The following CDH12 variants were observed in gnomAD, a reference collection of about 807,000 sequenced individuals.
The protein encoded by CDH12 is cadherin-12.
A neutral mutation model predicts 74.1 loss-of-function variants in CDH12; 41 were observed. The observed-to-expected ratio is 0.55, with a 90% CI of 0.43 to 0.72. CDH12 has a LOEUF of 0.72. CDH12 is among the 30% of genes least tolerant of loss of function. The probability of loss-of-function intolerance (pLI) is 0.00; values close to 1 mark genes in which losing one functional copy is unlikely to be tolerated. For synonymous variants in CDH12, 399 were observed against 355.0 expected, an observed-to-expected ratio of 1.12 and a Z score of -1.39; for missense variants, 945 against 977.2, an observed-to-expected ratio of 0.97 and a Z score of 0.44.
intron 6 of CDH12, among the ~76,000 whole-genome samples, chr5:21,934,802 T>A (rs758286615): frequency 3.6e-4 from 54 of 152,110 alleles, no homozygotes; most frequent in Non-Finnish European, 2.5e-4. Context: ...CTCCTTTTTT[T>A]TTGACACGGA....
At chr5:22,737,555 T>C (rs1251362315) in intron 1 of CDH12, among the ~76,000 whole-genome samples, 1 of 151,832 alleles carries the variant, frequency 6.6e-6, no homozygotes, top group Non-Finnish European at 1.5e-5. Flanking sequence ...CTGAAAGAAA[T>C]AGAAATAGAA....
chr5:22,762,044 A>T (rs1485538919), intron 1 of CDH12, among the ~76,000 whole-genome samples: 1 of 152,094 alleles, frequency 6.6e-6, no homozygotes, highest in South Asian at 2.1e-4. Flanking sequence ...GAGAGAAAAA[A>T]ATTGTATATT....
intron 6 of CDH12, among the ~76,000 whole-genome samples, chr5:21,967,703 C>A (rs1210382490): frequency 6.6e-6 from 1 of 152,146 alleles, no homozygotes; most frequent in Admixed American, 6.6e-5. Context: ...CAAGGCTACA[C>A]AAAAAGTGTC....
At chr5:21,879,213 C>T (rs961772628) in intron 6 of CDH12, among the ~76,000 whole-genome samples, 7 of 151,396 alleles carry the variant, frequency 4.6e-5, no homozygotes, top group African/African-American at 1.7e-4. Flanking sequence ...AAAAGTTGGA[C>T]AGCAGTTTCA....
At chr5:22,725,091 T>C (rs1744093850) in intron 1 of CDH12, among the ~76,000 whole-genome samples, 1 of 151,832 alleles carries the variant, frequency 6.6e-6, no homozygotes, top group Non-Finnish European at 1.5e-5. Context: ...AACTGGAATA[T>C]AGTAAAACAT....
intron 1 of CDH12, among the ~76,000 whole-genome samples, chr5:22,604,427 T>C (rs1027843026): frequency 2.0e-5 from 3 of 152,168 alleles, no homozygotes; most frequent in Non-Finnish European, 4.4e-5. Flanking sequence ...ACAGAGAATC[T>C]TGACCTTTCA....
rs377103944 is a variant in CDH12 at position 22,693,540 on chromosome 5, T to C, written c.-523+159518A>G. On this transcript the variant is annotated intron_variant, in intron 1 of 14. Transcript: ENST00000382254. ...CCTTTTCTTTTAAAAATAACAATGA[T>C]TTTTGAAAATTTGAAAAAAAATTAG... Among the ~76,000 whole-genome samples, 10 of 152,234 alleles carry C rather than the reference T, an allele frequency of 6.6e-5. No individual in the cohort carries two copies. The East Asian group carries it at 1.5e-3, about 24-fold the overall frequency.
intron 1 of CDH12, among the ~76,000 whole-genome samples, chr5:22,701,059 C>G (rs1404106575): frequency 6.6e-6 from 1 of 152,064 alleles, no homozygotes; most frequent in African/African-American, 2.4e-5. Flanking sequence ...TGTTTATACT[C>G]TTTGATTGTT....
intron 1 of CDH12, among the ~76,000 whole-genome samples, chr5:22,739,373 A>G (rs1744904663): frequency 6.6e-6 from 1 of 152,006 alleles, no homozygotes; most frequent in South Asian, 2.1e-4. Flanking sequence ...TACGTAAAAT[A>G]TATGTCAATG....
chr5:21,922,264 A>C (rs1754387697), intron 6 of CDH12, among the ~76,000 whole-genome samples: 1 of 152,210 alleles, frequency 6.6e-6, no homozygotes, highest in Non-Finnish European at 1.5e-5. Context: ...ATAGAATTTC[A>C]GAGTACAGGA....
chr5:21,769,474 T>TACCCTTCTA lies in CDH12; in HGVS notation c.1394-4376_1394-4375insTAGAAGGGT, dbSNP rs1426436618. Among the ~76,000 whole-genome samples the TACCCTTCTA allele has an allele frequency of 2.0e-5, 3 of 152,172 alleles. No homozygotes were observed. In the East Asian group the frequency reaches 5.8e-4, roughly 29 times the overall value. Reference sequence around the variant, plus strand: ...CTTAATATACTAGCAACGTCTAAATTTGTTAGTATATTAATTACCCTTCTA... The same window carrying TACCCTTCTA: ...CTTAATATACTAGCAACGTCTAAATTACCCTTCTATGTTAGTATATTAATTACCCTTCTA... On this transcript the variant is annotated intron_variant, in intron 11 of 14. Transcript: ENST00000382254.
intron 1 of CDH12, among the ~76,000 whole-genome samples, chr5:22,684,201 T>C (rs1407977303): frequency 6.6e-6 from 1 of 152,196 alleles, no homozygotes; most frequent in Non-Finnish European, 1.5e-5. Flanking sequence ...GGTGTATAAA[T>C]TTATGGGACA....
rs1172775611 is a variant in CDH12, at chr5:22,272,576, C to T, written c.-332-59933G>A. ...CCTTTCTCATTAAGCTTAACCATTT[C>T]TAGCTTTTCATTTAAGGTGTGAGAT... On this transcript the variant is annotated intron_variant, in intron 3 of 14. Coordinates refer to ENST00000382254, the MANE Select transcript of CDH12 (RefSeq NM_004061.5). 3.9e-5 allele frequency among the ~76,000 whole-genome samples: 6 copies of T among 152,290 alleles called. No homozygotes were observed. The East Asian group carries it at 1.2e-3, about 29-fold the overall frequency.
intron 1 of CDH12, among the ~76,000 whole-genome samples, chr5:22,833,125 T>C (rs1736691126): frequency 1.3e-5 from 2 of 152,178 alleles, no homozygotes; most frequent in Admixed American, 6.5e-5. Flanking sequence ...TCTAGTGGTT[T>C]GAAATGCATT....
chr5:21,955,588 C>A (rs1297335876), intron 6 of CDH12, among the ~76,000 whole-genome samples: 1 of 151,934 alleles, frequency 6.6e-6, no homozygotes, highest in Admixed American at 6.6e-5. Context: ...TTGCAATTTG[C>A]CGATCTCTAC....
At chr5:22,074,348 A>T (rs1742157628) in intron 5 of CDH12, among the ~76,000 whole-genome samples, 1 of 152,186 alleles carries the variant, frequency 6.6e-6, no homozygotes, top group African/African-American at 2.4e-5. Context: ...TAGACCTAAA[A>T]CCATAAAAAC....
At chr5:21,987,434 A>G (rs780289968) in intron 5 of CDH12, among the ~76,000 whole-genome samples, 1 of 152,192 alleles carries the variant, frequency 6.6e-6, no homozygotes, top group Non-Finnish European at 1.5e-5. Flanking sequence ...TGTTAGCTGT[A>G]TGTCTCAGAA....
At chr5:22,043,653 C>G (rs563914200) in intron 5 of CDH12, among the ~76,000 whole-genome samples, 1 of 151,664 alleles carries the variant, frequency 6.6e-6, no homozygotes, top group Admixed American at 6.6e-5. Context: ...CATTCACTGT[C>G]CCTGTTTGCA....
chr5:22,353,402 C>A (rs1740434771), intron 3 of CDH12, among the ~76,000 whole-genome samples: 1 of 152,064 alleles, frequency 6.6e-6, no homozygotes, highest in Non-Finnish European at 1.5e-5. Flanking sequence ...TTTAACAATT[C>A]TAATTTATGG....
Sources: gnomAD v4.1 joint callset for allele counts (sites outside exome capture counted in the v4.1 genomes callset) on GRCh38, gnomAD v4.1.1 for gene constraint, MANE v1.5 for transcripts, NCBI Gene and HGNC (gene_info 2026-07-23, HGNC 2026-07-21) for gene names.